The following FRMD4A variants were observed in gnomAD, a reference collection of about 807,000 sequenced individuals.
FRMD4A encodes FERM domain-containing protein 4A.
In FRMD4A, 29 loss-of-function variants were observed where a neutral mutation model predicts 129.1. That is an observed-to-expected ratio of 0.22 (90% CI 0.17 to 0.31). FRMD4A has a LOEUF of 0.31. Ranked by LOEUF, FRMD4A falls within the 10% of genes least tolerant of loss-of-function variation. The pLI is 1.00. For missense variants in FRMD4A, 1,272 were observed against 1,375.8 expected (o/e 0.92, Z 1.19); for synonymous variants, 634 against 571.6 (o/e 1.11, Z -1.56).
chr10:13,931,997 C>T (rs2131287942), intron 2 of FRMD4A, among the ~76,000 whole-genome samples: 1 of 144,146 alleles, frequency 6.9e-6, no homozygotes, highest in Middle Eastern at 3.6e-3. Context: ...CAACCAACCC[C>T]CTTCTACACA....
intron 4 of FRMD4A, among the ~76,000 whole-genome samples, chr10:13,798,579 T>C (rs984368365): frequency 6.6e-6 from 1 of 152,048 alleles, no homozygotes; most frequent in East Asian, 1.9e-4. Flanking sequence ...TAGCCGGGCA[T>C]AGTGGCAGGC....
intron 2 of FRMD4A, chr10:14,008,046 G>A (rs745747552): frequency 9.2e-6 from 12 of 1,299,044 alleles, no homozygotes; most frequent in African/African-American, 4.6e-5. Context: ...CAAACAACCC[G>A]CCACGTAGCT....
chr10:13,738,685 A>G (rs2090798374), intron 11 of FRMD4A, among the ~76,000 whole-genome samples: 1 of 152,158 alleles, frequency 6.6e-6, no homozygotes, highest in Admixed American at 6.5e-5. Flanking sequence ...CATTGGCACA[A>G]TCCTGGCTCA....
At chr10:13,826,651 T>C (rs2093705474) in intron 3 of FRMD4A, among the ~76,000 whole-genome samples, 1 of 152,172 alleles carries the variant, frequency 6.6e-6, no homozygotes, top group Non-Finnish European at 1.5e-5. Flanking sequence ...CTCTTGTGGA[T>C]GACTGGCAGG....
intron 3 of FRMD4A, among the ~76,000 whole-genome samples, chr10:13,823,579 C>T (rs2093659492): frequency 2.0e-5 from 3 of 152,146 alleles, no homozygotes; most frequent in African/African-American, 7.2e-5. Flanking sequence ...TGGTCTGCCA[C>T]TTCCATTTTT....
Position 14,040,446 on chromosome 10 carries a change from A to G in FRMD4A, c.46-181534T>C, listed in dbSNP as rs117436915. ...AGCATCTCCATTGTGTAATGGAGAG[A>G]CTCAATAATGGTACTGAAGGAATTT... On this transcript the variant is annotated intron_variant, in intron 2 of 24. Coordinates refer to ENST00000357447, the MANE Select transcript of FRMD4A (RefSeq NM_018027.5). 9.4e-3 allele frequency among the ~76,000 whole-genome samples: 1,438 copies of G among 152,290 alleles called. 6 individuals carry two copies. The highest frequency in any genetic ancestry group is 0.014 in the Non-Finnish European group (976 of 68,022).
In FRMD4A at chr10:14,227,243, C is replaced by CTTTTTTTTT. The variant is rs10674411; in HGVS notation, c.45+102806_45+102814dup. On this transcript the variant is annotated intron_variant, in intron 2 of 24. Transcript: ENST00000357447. ...TCCTCCTCCTCCTTCTCTTCTTCTT[C>CTTTTTTTTT]TTTTTTTTTTTTTTTTTTTTTTTTT... is the stretch of plus-strand genomic sequence containing the variant. Among the ~76,000 whole-genome samples the CTTTTTTTTT allele has an allele frequency of 2.6e-3, 165 of 64,130 alleles. 31 individuals carry two copies. The highest frequency in any genetic ancestry group is 4.5e-3 in the African/African-American group (72 of 16,020). 42.1% of individuals were successfully genotyped at this position (64,130 alleles called of 152,430 possible). A position where few individuals can be genotyped will look rare whatever the true frequency, so the allele number is the denominator to read the frequency against.
In FRMD4A at chr10:14,261,989, T is replaced by A. The variant is rs958910008; in HGVS notation, c.45+68069A>T. 1.2e-3 allele frequency among the ~76,000 whole-genome samples: 132 copies of A among 108,564 alleles called. 3 individuals are homozygous for A. In the East Asian group the frequency reaches 0.034, roughly 28 times the overall value. The allele number at this position is 108,564 out of a possible 152,430, so 71.2% of individuals were successfully genotyped here. A position where few individuals can be genotyped will look rare whatever the true frequency, so the allele number is the denominator to read the frequency against. On this transcript the variant is annotated intron_variant, in intron 2 of 24. Transcript: ENST00000357447. ...ACACACACACACACACACACACACC[T>A]CATTTTCCCTAGTTCCCCTCTCTCT...
chr10:14,136,755 T>G (rs1839558066), intron 2 of FRMD4A, among the ~76,000 whole-genome samples: 1 of 151,980 alleles, frequency 6.6e-6, no homozygotes, highest in African/African-American at 2.4e-5. Context: ...GATTAATGTC[T>G]CTTGTCTTCC....
intron 2 of FRMD4A, among the ~76,000 whole-genome samples, chr10:14,023,903 A>C (rs911315674): frequency 6.6e-6 from 1 of 152,160 alleles, no homozygotes; most frequent in Non-Finnish European, 1.5e-5. Context: ...TTCTGGGGAC[A>C]GTGAAGTTCA....
At position 14,227,190 on chromosome 10, in the gene FRMD4A, T is replaced by TTTAGTCG. The variant is rs940510784; in HGVS notation, c.45+102861_45+102867dup. ...GAGCACTCTGGTTCAGGTTCATCTC[T>TTTAGTCG]TTAGTCGTCTTCTTTCTTCTTTCCC... On this transcript the variant is annotated intron_variant, in intron 2 of 24. Coordinates refer to ENST00000357447, the MANE Select transcript of FRMD4A (RefSeq NM_018027.5). Among the ~76,000 whole-genome samples the TTTAGTCG allele has an allele frequency of 2.8e-4, 42 of 151,646 alleles. 1 individual carries two copies. Among genetic ancestry groups the TTTAGTCG allele is most frequent in the African/African-American group, 8.5e-4 (35 of 41,360 alleles).
intron 2 of FRMD4A, among the ~76,000 whole-genome samples, chr10:13,884,011 C>G (rs190541928): frequency 6.6e-6 from 1 of 151,972 alleles, no homozygotes; most frequent in East Asian, 1.9e-4. Flanking sequence ...TTTCGATGAA[C>G]ATTATGCAAA....
intron 4 of FRMD4A, among the ~76,000 whole-genome samples, chr10:13,803,780 A>C (rs1015962553): frequency 2.6e-5 from 4 of 152,232 alleles, no homozygotes; most frequent in African/African-American, 9.6e-5. Context: ...ATATTTGTTA[A>C]GAGAATGAAT....
At chr10:13,918,443 T>A (rs1181475082) in intron 2 of FRMD4A, among the ~76,000 whole-genome samples, 3 of 152,198 alleles carry the variant, frequency 2.0e-5, no homozygotes, top group African/African-American at 7.2e-5. Flanking sequence ...ATTTATTTAT[T>A]TATTCATTCC....
chr10:14,208,928 A>G (rs1171746984), intron 2 of FRMD4A, among the ~76,000 whole-genome samples: 2 of 152,134 alleles, frequency 1.3e-5, no homozygotes, highest in Admixed American at 6.5e-5. Context: ...GGTCTTCAGT[A>G]TTTAACAGGA....
chr10:14,232,106 A>T (rs1183218639), intron 2 of FRMD4A, among the ~76,000 whole-genome samples: 1 of 152,122 alleles, frequency 6.6e-6, no homozygotes, highest in Non-Finnish European at 1.5e-5. Context: ...TGATTTTTGT[A>T]TATGGAGAAA....
intron 2 of FRMD4A, among the ~76,000 whole-genome samples, chr10:14,321,918 G>A (rs1218433): frequency 0.5 from 75,783 of 151,708 alleles, 19,318 homozygotes; most frequent in Non-Finnish European, 0.57. Context: ...TCTCATGAGA[G>A]CTGGTTGTTT....
intron 2 of FRMD4A, among the ~76,000 whole-genome samples, chr10:14,118,684 AAG>A (rs1219636093): frequency 6.6e-6 from 1 of 152,216 alleles, no homozygotes; most frequent in Non-Finnish European, 1.5e-5. Context: ...AGTGGCCGGC[AAG>A]AGAGCTTGTG....
chr10:14,291,746 C>A (rs1845855854), intron 2 of FRMD4A, among the ~76,000 whole-genome samples: 1 of 151,860 alleles, frequency 6.6e-6, no homozygotes, highest in South Asian at 2.1e-4. Context: ...AGAGTAGGAA[C>A]AAGCTAAAAA....
Sources: gnomAD v4.1 joint callset for allele counts (sites outside exome capture counted in the v4.1 genomes callset) on GRCh38, gnomAD v4.1.1 for gene constraint, MANE v1.5 for transcripts, NCBI Gene and HGNC (gene_info 2026-07-23, HGNC 2026-07-21) for gene names.